RPS6KC1: variants seen among roughly 807,000 people sequenced by gnomAD.
RPS6KC1 encodes ribosomal protein S6 kinase C1.
RPS6KC1 carries 54 observed loss-of-function variants against 103.8 expected under a neutral mutation model. The ratio of observed to expected loss-of-function variants is 0.52; its 90% CI spans 0.42 to 0.65. The LOEUF (loss-of-function observed/expected upper bound fraction) is 0.65. RPS6KC1 is among the 30% of genes least tolerant of loss of function. The pLI is 0.00. For synonymous variants in RPS6KC1, 439 were observed against 438.7 expected, an observed-to-expected ratio of 1.00 and a Z score of -0.01; for missense variants, 1,151 against 1,253.8, an observed-to-expected ratio of 0.92 and a Z score of 1.24.
chr1:213,346,514 T>C, the RPS6KC1 span, among the ~76,000 whole-genome samples: 1 of 152,096 alleles, frequency 6.6e-6, no homozygotes, highest in African/African-American at 2.4e-5. Context: ...ATGATGAAAA[T>C]GATCATAAAG....
intron 5 of RPS6KC1, among the ~76,000 whole-genome samples, chr1:213,119,318 G>A (rs1410653321): frequency 4.0e-5 from 6 of 150,534 alleles, no homozygotes; most frequent in Non-Finnish European, 7.4e-5. Context: ...AAGGTGGCTG[G>A]TGCCTGTAAT....
chr1:213,192,203 AT>A (rs2092774178), intron 8 of RPS6KC1, among the ~76,000 whole-genome samples: 1 of 152,128 alleles, frequency 6.6e-6, no homozygotes, highest in Non-Finnish European at 1.5e-5. Flanking sequence ...ATTTATTTGC[AT>A]ATGTTGAATC....
At chr1:213,205,563 T>TATATATATATATATATATAA in intron 8 of RPS6KC1, among the ~76,000 whole-genome samples, 1 of 140,186 alleles carries the variant, frequency 7.1e-6, no homozygotes, top group Non-Finnish European at 1.6e-5. Context: ...TATATATATA[T>TATATATATATATATATATAA]ATATTTCAAA....
At chr1:213,310,450 T>C in the RPS6KC1 span, among the ~76,000 whole-genome samples, 23 of 152,204 alleles carry the variant, frequency 1.5e-4, no homozygotes, top group Admixed American at 5.2e-4. Context: ...ACTTTTTTTT[T>C]CCCTCTGCCT....
At chr1:213,779,673 G>T in the RPS6KC1 span, among the ~76,000 whole-genome samples, 1 of 152,166 alleles carries the variant, frequency 6.6e-6, no homozygotes, top group African/African-American at 2.4e-5. Context: ...ATCTGAATGC[G>T]GATCCAGTGT....
chr1:213,116,586 C>G (rs1383047473), intron 4 of RPS6KC1, among the ~76,000 whole-genome samples: 1 of 148,694 alleles, frequency 6.7e-6, no homozygotes, highest in Non-Finnish European at 1.5e-5. Context: ...TGAATTTGAT[C>G]CTGTCATTAT....
the RPS6KC1 span, among the ~76,000 whole-genome samples, chr1:213,642,364 C>A: frequency 2.0e-5 from 3 of 152,050 alleles, no homozygotes; most frequent in Non-Finnish European, 2.9e-5. Context: ...TACCTGGGAC[C>A]AGTTTTCTTA....
At chr1:213,638,148 A>G in the RPS6KC1 span, among the ~76,000 whole-genome samples, 1 of 152,014 alleles carries the variant, frequency 6.6e-6, no homozygotes, top group Non-Finnish European at 1.5e-5. Flanking sequence ...CATTCCCCCA[A>G]TAGGTAATGA....
chr1:213,363,630 CTTTCTTTCTTTCTTTCTTTCTTTCTT>C, the RPS6KC1 span, among the ~76,000 whole-genome samples: 2 of 19,916 alleles, frequency 1.0e-4, no homozygotes, highest in Non-Finnish European at 2.1e-4. Flanking sequence ...TGCTTGCTTT[CTTTCTTTCTTTCTTTCTTTCTTTCTT>C]TCTTTCTTTC....
chr1:213,661,864 G>A, the RPS6KC1 span, among the ~76,000 whole-genome samples: 63,996 of 152,084 alleles, frequency 0.42, 14,536 homozygotes, highest in South Asian at 0.54. Context: ...TAGATGGTTA[G>A]AAGGATCACA....
At chr1:213,502,574 T>A in the RPS6KC1 span, among the ~76,000 whole-genome samples, 4 of 152,244 alleles carry the variant, frequency 2.6e-5, no homozygotes, top group African/African-American at 9.6e-5. Context: ...TTAAATAAAT[T>A]ATGGTCCATC....
intron 5 of RPS6KC1, among the ~76,000 whole-genome samples, chr1:213,126,173 T>C (rs186825104): frequency 6.6e-6 from 1 of 152,138 alleles, no homozygotes; most frequent in Non-Finnish European, 1.5e-5. Flanking sequence ...TAAGTTTACA[T>C]TGAAATACAT....
At chr1:213,289,068 C>T in the RPS6KC1 span, among the ~76,000 whole-genome samples, 43 of 152,184 alleles carry the variant, frequency 2.8e-4, no homozygotes, top group East Asian at 7.0e-3. Flanking sequence ...TGCTGTTCCT[C>T]AGGCGCCCCC....
At chr1:213,652,643 C>A in the RPS6KC1 span, among the ~76,000 whole-genome samples, 4 of 152,176 alleles carry the variant, frequency 2.6e-5, no homozygotes, top group African/African-American at 9.7e-5. Context: ...TCCCTGCTTT[C>A]GGAATGCTGT....
chr1:213,653,213 C>T, the RPS6KC1 span, among the ~76,000 whole-genome samples: 1 of 152,194 alleles, frequency 6.6e-6, no homozygotes, highest in African/African-American at 2.4e-5. Context: ...AATCCCACCA[C>T]TTTGGGAGGT....
chr1:213,706,183 C>A, the RPS6KC1 span, among the ~76,000 whole-genome samples: 2 of 152,158 alleles, frequency 1.3e-5, no homozygotes, highest in Non-Finnish European at 2.9e-5. Context: ...TCCTTATGGC[C>A]TAGACTGCCT....
chr1:213,511,333 C>T, the RPS6KC1 span, among the ~76,000 whole-genome samples: 2 of 152,182 alleles, frequency 1.3e-5, no homozygotes, highest in Non-Finnish European at 1.5e-5. Flanking sequence ...GGTGCCCCCA[C>T]GGCCCTGCTC....
the RPS6KC1 span, among the ~76,000 whole-genome samples, chr1:213,501,563 A>G: frequency 6.6e-6 from 1 of 151,922 alleles, no homozygotes; most frequent in Non-Finnish European, 1.5e-5. Context: ...ACATGGTGAA[A>G]CCCCATCTCT....
chr1:213,418,929 G>A, the RPS6KC1 span, among the ~76,000 whole-genome samples: 9 of 152,222 alleles, frequency 5.9e-5, no homozygotes, highest in Non-Finnish European at 7.3e-5. Context: ...GGGGTCTCCT[G>A]GGGCTCCCTC....
Sources: gnomAD v4.1 joint callset for allele counts (sites outside exome capture counted in the v4.1 genomes callset) on GRCh38, gnomAD v4.1.1 for gene constraint, MANE v1.5 for transcripts, NCBI Gene and HGNC (gene_info 2026-07-23, HGNC 2026-07-21) for gene names.